The following NCKAP5 variants were observed in gnomAD, a reference collection of about 807,000 sequenced individuals.
The protein encoded by NCKAP5 is nck-associated protein 5.
A neutral mutation model predicts 167.0 loss-of-function variants in NCKAP5; 92 were observed. The ratio of observed to expected loss-of-function variants is 0.55; its 90% CI spans 0.47 to 0.66. NCKAP5 has a LOEUF of 0.66. NCKAP5 is among the 30% of genes least tolerant of loss of function. NCKAP5 has a pLI of 0.00. For synonymous variants in NCKAP5, 891 were observed against 877.4 expected, an observed-to-expected ratio of 1.02 and a Z score of -0.27; for missense variants, 2,378 against 2,315.0, an observed-to-expected ratio of 1.03 and a Z score of -0.56.
chr2:132,848,589 A>C (rs1688844647), intron 11 of NCKAP5, among the ~76,000 whole-genome samples: 1 of 152,214 alleles, frequency 6.6e-6, no homozygotes, highest in African/African-American at 2.4e-5. Flanking sequence ...TCTATTATAA[A>C]ATATGATTTT....
intron 3 of NCKAP5, among the ~76,000 whole-genome samples, chr2:133,488,484 G>A (rs1309173183): frequency 2.6e-5 from 4 of 152,110 alleles, no homozygotes; most frequent in African/African-American, 9.7e-5. Context: ...TATAGTTAGA[G>A]CTCCCTAGGG....
At chr2:133,313,034 A>G (rs980010447) in intron 3 of NCKAP5, among the ~76,000 whole-genome samples, 1 of 152,236 alleles carries the variant, frequency 6.6e-6, no homozygotes, top group Admixed American at 6.5e-5. Flanking sequence ...AGACAATAAC[A>G]GACTTTAAAA....
chr2:133,308,871 C>T (rs1273057899), intron 3 of NCKAP5, among the ~76,000 whole-genome samples: 4 of 149,040 alleles, frequency 2.7e-5, no homozygotes, highest in East Asian at 2.0e-4. Context: ...CCACCGCGCC[C>T]GGCTAATTTT....
chr2:132,989,051 C>A (rs996748352), intron 7 of NCKAP5, among the ~76,000 whole-genome samples: 3 of 152,118 alleles, frequency 2.0e-5, no homozygotes, highest in Non-Finnish European at 4.4e-5. Flanking sequence ...TAATGTGATT[C>A]AATTCATATT....
chr2:133,200,198 A>G (rs968482437), intron 5 of NCKAP5, among the ~76,000 whole-genome samples: 2 of 151,818 alleles, frequency 1.3e-5, no homozygotes, highest in African/African-American at 4.8e-5. Flanking sequence ...CCTCAATTCT[A>G]AAGTTTACTA....
chr2:133,515,852 CCTT>C (rs1683941405), intron 3 of NCKAP5, among the ~76,000 whole-genome samples: 1 of 152,236 alleles, frequency 6.6e-6, no homozygotes, highest in Non-Finnish European at 1.5e-5. Flanking sequence ...CTGGGCTCTG[CCTT>C]CTTCTATTTT....
chr2:133,413,763 A>C (rs1688927191), intron 3 of NCKAP5, among the ~76,000 whole-genome samples: 1 of 152,232 alleles, frequency 6.6e-6, no homozygotes, highest in African/African-American at 2.4e-5. Context: ...AATCAGAAGA[A>C]GCAGAGAAGC....
intron 7 of NCKAP5, among the ~76,000 whole-genome samples, chr2:132,989,217 G>A (rs978769244): frequency 2.6e-5 from 4 of 152,114 alleles, no homozygotes; most frequent in Non-Finnish European, 5.9e-5. Context: ...TAAATATTTT[G>A]GCAGATGAAT....
intron 6 of NCKAP5, among the ~76,000 whole-genome samples, chr2:133,032,399 G>A (rs1169237823): frequency 1.3e-5 from 2 of 152,154 alleles, no homozygotes; most frequent in East Asian, 1.9e-4. Context: ...AGGGAGGAAT[G>A]AGAAGGACTA....
At chr2:133,601,769 G>T in the NCKAP5 span, among the ~76,000 whole-genome samples, 4 of 152,032 alleles carry the variant, frequency 2.6e-5, no homozygotes, top group Non-Finnish European at 4.4e-5. Context: ...ACTCTACCTT[G>T]AAGAACTTTT....
At chr2:132,741,869 C>T (rs1679228099) in intron 16 of NCKAP5, among the ~76,000 whole-genome samples, 1 of 152,034 alleles carries the variant, frequency 6.6e-6, no homozygotes, top group African/African-American at 2.4e-5. Context: ...AATCTAATTA[C>T]AATTTAGCTA....
intron 3 of NCKAP5, among the ~76,000 whole-genome samples, chr2:133,412,909 C>G (rs1439816743): frequency 6.6e-6 from 1 of 152,184 alleles, no homozygotes. Flanking sequence ...ATCTTGGGTA[C>G]CTACCACCTT....
At position 133,387,118 on chromosome 2, in the gene NCKAP5, T is replaced by C. The variant is rs559407670; in HGVS notation, c.70-84008A>G. Among the ~76,000 whole-genome samples the C allele has an allele frequency of 3.3e-5, 5 of 152,340 alleles. No individual in the cohort carries two copies. The South Asian group carries it at 1.0e-3, about 32-fold the overall frequency. On this transcript the variant is annotated intron_variant, in intron 3 of 19. Coordinates refer to ENST00000409261, the MANE Select transcript of NCKAP5 (RefSeq NM_207363.3). ...GTTAGCTGGTTATTTTGCTCGTTAGTTGATGCGGTTTCCTCCTAAACTTGA... is the reference window on the plus strand; with the variant it reads ...GTTAGCTGGTTATTTTGCTCGTTAGCTGATGCGGTTTCCTCCTAAACTTGA...
chr2:133,058,733 T>A (rs1168857699), intron 6 of NCKAP5, among the ~76,000 whole-genome samples: 1 of 152,218 alleles, frequency 6.6e-6, no homozygotes, highest in Non-Finnish European at 1.5e-5. Flanking sequence ...AAATATTACA[T>A]AAACTTAGTT....
chr2:133,339,701 G>T (rs1056435156), intron 3 of NCKAP5, among the ~76,000 whole-genome samples: 4 of 152,206 alleles, frequency 2.6e-5, no homozygotes, highest in Non-Finnish European at 5.9e-5. Context: ...TTGACAAGGT[G>T]ATTCTTCAGT....
intron 19 of NCKAP5, among the ~76,000 whole-genome samples, chr2:132,703,095 C>T (rs950204550): frequency 3.9e-5 from 6 of 152,070 alleles, no homozygotes; most frequent in East Asian, 1.9e-4. Context: ...GTGGGAGGAT[C>T]GCTTGAGCCC....
At chr2:133,040,793 T>G (rs1364118670) in intron 6 of NCKAP5, among the ~76,000 whole-genome samples, 1 of 152,178 alleles carries the variant, frequency 6.6e-6, no homozygotes, top group Non-Finnish European at 1.5e-5. Flanking sequence ...CAAAAGGGAA[T>G]TGATTTAGAT....
chr2:133,538,289 T>C (rs1036589516), intron 2 of NCKAP5, among the ~76,000 whole-genome samples: 1 of 152,174 alleles, frequency 6.6e-6, no homozygotes, highest in African/African-American at 2.4e-5. Context: ...TCCTTAGAAA[T>C]ATAATATGAA....
At chr2:133,206,867 T>C (rs931585519) in intron 5 of NCKAP5, among the ~76,000 whole-genome samples, 1 of 152,096 alleles carries the variant, frequency 6.6e-6, no homozygotes, top group Non-Finnish European at 1.5e-5. Flanking sequence ...GGAGTGTCTG[T>C]CTTATGCGGT....
Sources: allele counts gnomAD v4.1 joint callset (sites outside exome capture counted in the v4.1 genomes callset), GRCh38; gene constraint gnomAD v4.1.1; transcripts MANE v1.5; gene names NCBI Gene and HGNC (gene_info 2026-07-23, HGNC 2026-07-21).